TRHDE: variants seen among roughly 807,000 people sequenced by gnomAD.
TRHDE encodes the protein thyrotropin releasing hormone degrading enzyme.
Under a neutral mutation model 125.7 loss-of-function variants are expected in TRHDE, and 72 were observed. That is an observed-to-expected ratio of 0.57 (90% CI 0.47 to 0.70). The LOEUF (loss-of-function observed/expected upper bound fraction) is 0.70. TRHDE is among the 30% of genes least tolerant of loss of function. The pLI is 0.00. For missense variants in TRHDE, 1,110 were observed against 1,327.1 expected, an observed-to-expected ratio of 0.84 and a Z score of 2.54; for synonymous variants, 509 against 509.1, an observed-to-expected ratio of 1.00 and a Z score of 0.00.
intron 3 of TRHDE, among the ~76,000 whole-genome samples, chr12:72,404,441 A>AAAAAC (rs955598080): frequency 1.3e-5 from 2 of 152,158 alleles, no homozygotes; most frequent in Non-Finnish European, 2.9e-5. Flanking sequence ...TTCTGTCTCA[A>AAAAAC]AAAACAAAAC....
At chr12:72,479,210 C>T (rs1877043974) in intron 5 of TRHDE, among the ~76,000 whole-genome samples, 1 of 152,098 alleles carries the variant, frequency 6.6e-6, no homozygotes, top group Non-Finnish European at 1.5e-5. Flanking sequence ...AGCACAGATA[C>T]ATTTTTGAGT....
At chr12:72,235,876 A>G (rs1201201481) in intron 2 of TRHDE, among the ~76,000 whole-genome samples, 8 of 152,198 alleles carry the variant, frequency 5.3e-5, no homozygotes, top group Non-Finnish European at 7.3e-5. Flanking sequence ...AACATCAGTA[A>G]TGTGGGAAGT....
chr12:72,530,731 A>G (rs1419590503), intron 6 of TRHDE, among the ~76,000 whole-genome samples: 2 of 151,002 alleles, frequency 1.3e-5, no homozygotes, highest in African/African-American at 4.9e-5. Flanking sequence ...TCTCTGCTCC[A>G]TGTCAATTTA....
chr12:72,460,691 G>C (rs1876087222), intron 3 of TRHDE, among the ~76,000 whole-genome samples: 2 of 152,178 alleles, frequency 1.3e-5, no homozygotes, highest in African/African-American at 4.8e-5. Context: ...AACTTGGGCT[G>C]TCACCAGTGG....
At chr12:72,525,449 TAATCTAATTAAA>T (rs1490226765) in intron 6 of TRHDE, among the ~76,000 whole-genome samples, 1 of 152,136 alleles carries the variant, frequency 6.6e-6, no homozygotes, top group Non-Finnish European at 1.5e-5. Flanking sequence ...ATTGGATTAT[TAATCTAATTAAA>T]AATCAAATTA....
chr12:72,087,693 G>A (rs1490721509), intron 1 of TRHDE, among the ~76,000 whole-genome samples: 1 of 152,146 alleles, frequency 6.6e-6, no homozygotes, highest in Non-Finnish European at 1.5e-5. Context: ...GCGGCAGTGG[G>A]TGGGTAAGAA....
chr12:72,633,832 T>C (rs780716050), intron 15 of TRHDE, among the ~76,000 whole-genome samples: 1 of 152,148 alleles, frequency 6.6e-6, no homozygotes, highest in Non-Finnish European at 1.5e-5. Flanking sequence ...TTGAGACATA[T>C]TATCAATCAT....
Position 72,632,152 on chromosome 12 carries a change from T to C in TRHDE, c.2675+10401T>C, listed in dbSNP as rs146247060. Among the ~76,000 whole-genome samples the C allele has an allele frequency of 1.0e-3, 152 of 152,112 alleles. No individual in the cohort carries two copies. The Middle Eastern group carries it at 0.01, about 10-fold the overall frequency. On this transcript the variant is annotated intron_variant, in intron 15 of 18. Transcript: ENST00000261180. ...TGGGTCGTGATTTGAATGAGGACAG[T>C]GCTTGTGTATTTGCTATGGTAACTA...
intron 9 of TRHDE, among the ~76,000 whole-genome samples, chr12:72,567,671 G>T (rs561034572): frequency 6.6e-6 from 1 of 152,014 alleles, no homozygotes; most frequent in Admixed American, 6.5e-5. Context: ...TTCTAAAACA[G>T]AAAAATATTT....
At chr12:72,451,578 T>TTTTTTG (rs529969568) in intron 3 of TRHDE, among the ~76,000 whole-genome samples, 4 of 151,830 alleles carry the variant, frequency 2.6e-5, no homozygotes, top group African/African-American at 9.7e-5. Flanking sequence ...GGCTTTGTTT[T>TTTTTTG]TTGTTGTTGT....
chr12:72,574,878 A>G lies in TRHDE; in HGVS notation c.2132-377A>G, dbSNP rs143280425. Among the ~76,000 whole-genome samples the G allele has an allele frequency of 2.4e-3, 370 of 152,238 alleles. 2 individuals carry two copies. Among genetic ancestry groups the G allele is most frequent in the African/African-American group, 8.3e-3 (347 of 41,570 alleles). On this transcript the variant is annotated intron_variant, in intron 10 of 18. Coordinates refer to ENST00000261180, the MANE Select transcript of TRHDE (RefSeq NM_013381.3). ...TCTTACTGAATCAAATTAGTAGAAT[A>G]TGCATCTAAAACCTCTTCTTTCATT...
At chr12:72,147,335 C>T (rs894694268) in intron 2 of TRHDE, among the ~76,000 whole-genome samples, 1 of 152,098 alleles carries the variant, frequency 6.6e-6, no homozygotes, top group Non-Finnish European at 1.5e-5. Context: ...TCAGCAACTT[C>T]AGGTTTCCTC....
chr12:72,507,617 A>G (rs1878405366), intron 6 of TRHDE, among the ~76,000 whole-genome samples: 1 of 152,228 alleles, frequency 6.6e-6, no homozygotes. Context: ...TAAATTTAAA[A>G]GGGAAGCAGA....
At chr12:72,216,686 G>A (rs1877899028) in intron 2 of TRHDE, among the ~76,000 whole-genome samples, 1 of 152,102 alleles carries the variant, frequency 6.6e-6, no homozygotes, top group Admixed American at 6.6e-5. Flanking sequence ...TGATTGATTT[G>A]TTGTGTCACC....
intron 2 of TRHDE, among the ~76,000 whole-genome samples, chr12:72,175,544 TC>T (rs1876967980): frequency 6.6e-6 from 1 of 152,226 alleles, no homozygotes; most frequent in South Asian, 2.1e-4. Flanking sequence ...AGAGCTCTAC[TC>T]CTGAGTCCCG....
rs918251878 is a variant in TRHDE at position 72,568,054 on chromosome 12, GT to G, written c.2043-505del. On this transcript the variant is annotated intron_variant, in intron 9 of 18. Transcript: ENST00000261180. ...TCTGGATTGTATGGGAATCTGACTA[GT>G]TTTTTTTTCTTTCTGCTGAGTAACT... is the stretch of plus-strand genomic sequence containing the variant. Among the ~76,000 whole-genome samples, 16 of 151,312 alleles carry G rather than the reference GT, an allele frequency of 1.1e-4. 1 individual carries two copies. The highest frequency in any genetic ancestry group is 4.2e-4 in the South Asian group (2 of 4,792).
chr12:72,582,149 G>A, intron 12 of TRHDE: 4 of 464,224 alleles, frequency 8.6e-6, no homozygotes, highest in Non-Finnish European at 1.1e-5. Context: ...CTAGAGAGCA[G>A]TCATCAGTAG....
intron 7 of TRHDE, among the ~76,000 whole-genome samples, chr12:72,545,814 A>C (rs1191077764): frequency 6.6e-6 from 1 of 151,654 alleles, no homozygotes; most frequent in African/African-American, 2.4e-5. Context: ...ATTAAGCTAC[A>C]GTGGTTTTAG....
chr12:72,505,099 TA>T (rs1284435075), intron 6 of TRHDE, among the ~76,000 whole-genome samples: 2 of 152,192 alleles, frequency 1.3e-5, no homozygotes, highest in African/African-American at 2.4e-5. Context: ...ATAGACCAGC[TA>T]CTAATTTGGG....
Sources: gnomAD v4.1 joint callset for allele counts (sites outside exome capture counted in the v4.1 genomes callset) on GRCh38, gnomAD v4.1.1 for gene constraint, MANE v1.5 for transcripts, NCBI Gene and HGNC (gene_info 2026-07-23, HGNC 2026-07-21) for gene names.